The following N4BP2 variants were observed in gnomAD, a reference collection of about 807,000 sequenced individuals.
The protein encoded by N4BP2 is NEDD4 binding protein 2.
N4BP2 carries 91 observed loss-of-function variants against 152.8 expected under a neutral mutation model. That is an observed-to-expected ratio of 0.60 (90% CI 0.50 to 0.71). The LOEUF is 0.71. N4BP2 is among the 30% of genes least tolerant of loss of function. N4BP2 has a pLI of 0.00. For missense variants in N4BP2, 1,923 were observed against 2,059.1 expected (o/e 0.93, Z 1.28); for synonymous variants, 646 against 705.3 (o/e 0.92, Z 1.33).
chr4:40,116,065 A>G (rs1717311176), intron 7 of N4BP2, among the ~76,000 whole-genome samples: 1 of 152,110 alleles, frequency 6.6e-6, no homozygotes, highest in African/African-American at 2.4e-5. Flanking sequence ...TGTCTTTAGT[A>G]GTGATTTTTG....
chr4:40,109,458 C>A (rs2012638), intron 5 of N4BP2, among the ~76,000 whole-genome samples: 27,508 of 152,116 alleles, frequency 0.18, 3,123 homozygotes, highest in Admixed American at 0.26. Context: ...TGGCTCATGC[C>A]TGTAATTCCA....
Position 40,112,106 on chromosome 4 carries a change from G to A in N4BP2, c.1521G>A (p.Lys507=). The part of the protein sequence containing the change: ...QNRAKEAFEK[K]ISPIIIDNTN... ...CAGCAAAAGAAGCATTTGAGAAGAA[G>A]ATATCTCCTATAATTATAGATAATA... The change falls in exon 6 of 18, where the codon AAG becomes AAA. Residue 507 remains lysine (K), a synonymous_variant. Coordinates refer to ENST00000261435, the MANE Select transcript of N4BP2 (RefSeq NM_018177.6). The A allele has an allele frequency of 6.4e-7, 1 of 1,553,406 alleles. No homozygotes were observed. The highest frequency in any genetic ancestry group is 8.8e-7 in the Non-Finnish European group (1 of 1,141,046).
intron 14 of N4BP2, among the ~76,000 whole-genome samples, chr4:40,140,525 C>T (rs1449100413): frequency 2.0e-5 from 3 of 151,954 alleles, no homozygotes; most frequent in African/African-American, 7.3e-5. Flanking sequence ...GTTATGTAAA[C>T]CTTGGCCAAA....
At chr4:40,165,803 G>A in the N4BP2 span, among the ~76,000 whole-genome samples, 1 of 152,130 alleles carries the variant, frequency 6.6e-6, no homozygotes. Context: ...GGAAACATTT[G>A]TGTTTTATAT....
chr4:40,117,489 A>G (rs1717451569), intron 7 of N4BP2, among the ~76,000 whole-genome samples: 1 of 152,236 alleles, frequency 6.6e-6, no homozygotes, highest in Admixed American at 6.5e-5. Flanking sequence ...GTATAAACCT[A>G]GATGCTGTGT....
At position 40,151,823 on chromosome 4, in the gene N4BP2, T is replaced by G. The variant is rs554156499; in HGVS notation, c.5144-957T>G. Among the ~76,000 whole-genome samples, 17 of 152,318 alleles carry G rather than the reference T, an allele frequency of 1.1e-4. No homozygotes were observed. In the South Asian group the frequency reaches 3.3e-3, roughly 30 times the overall value. ...AATTAGAAATGCAAGAGCAACATAT[T>G]CTTTTAAAATTCCAGGCTGAATATC... On this transcript the variant is annotated intron_variant, in intron 16 of 17. Coordinates refer to ENST00000261435, the MANE Select transcript of N4BP2 (RefSeq NM_018177.6).
chr4:40,083,797 T>A lies in N4BP2; in HGVS notation c.-115+10246T>A, dbSNP rs1313640413. ...GAATATACTGGAAACCACTGAATTG[T>A]ACACTTTTGAAATGGTGAATTTTAT... On this transcript the variant is annotated intron_variant, in intron 2 of 17. Transcript: ENST00000261435. 3.9e-5 allele frequency among the ~76,000 whole-genome samples: 6 copies of A among 152,212 alleles called. No homozygotes were observed. The South Asian group carries it at 1.2e-3, about 32-fold the overall frequency.
At chr4:40,107,447 A>T (rs1407734559) in intron 5 of N4BP2, among the ~76,000 whole-genome samples, 1 of 151,472 alleles carries the variant, frequency 6.6e-6, no homozygotes, top group Non-Finnish European at 1.5e-5. Flanking sequence ...ACAGTGGTGC[A>T]ATCTGGGTTC....
At chr4:40,185,366 T>C in the N4BP2 span, among the ~76,000 whole-genome samples, 1 of 152,234 alleles carries the variant, frequency 6.6e-6, no homozygotes, top group Non-Finnish European at 1.5e-5. Context: ...AAAAGGCTAT[T>C]GTAAATTGAA....
At chr4:40,144,605 T>C in intron 15 of N4BP2, 27 bp from the exon 16 acceptor site, 1 of 1,565,060 alleles carries the variant, frequency 6.4e-7, no homozygotes, top group Non-Finnish European at 8.7e-7. Flanking sequence ...AGCAAAACTG[T>C]CCCTTGGTGA....
At chr4:40,094,293 C>G (rs1479383756) in intron 2 of N4BP2, among the ~76,000 whole-genome samples, 1 of 152,042 alleles carries the variant, frequency 6.6e-6, no homozygotes, top group Non-Finnish European at 1.5e-5. Context: ...TCTGTTAATA[C>G]TTGAAAAGAG....
intron 16 of N4BP2, among the ~76,000 whole-genome samples, chr4:40,148,447 GAGGGAGAGGGAGACTGT>G (rs1431710235): frequency 5.4e-5 from 8 of 149,454 alleles, no homozygotes; most frequent in Non-Finnish European, 4.5e-5. Context: ...CGTGGAAAGA[GAGGGAGAGGGAGACTGT>G]GGGGAGAGGG....
chr4:40,121,525 T>G lies in N4BP2; in HGVS notation c.3414T>G (p.Phe1138Leu). The G allele has an allele frequency of 6.2e-7, 1 of 1,614,186 alleles. No homozygotes were observed. The highest frequency in any genetic ancestry group is 1.1e-5 in the South Asian group (1 of 91,082). Reference sequence around the variant, plus strand: ...CTAAGTTATGTGAGGATACAGAGTTTGAGAATTTCCAAAAATCGTGTGATG... The same window carrying G: ...CTAAGTTATGTGAGGATACAGAGTTGGAGAATTTCCAAAAATCGTGTGATG... Reference protein sequence around the residue: ...SETKLCEDTEFENFQKSCDGS... With the variant: ...SETKLCEDTELENFQKSCDGS... The change falls in exon 9 of 18, where the codon TTT (phenylalanine) becomes TTG (leucine). Residue 1138 changes from phenylalanine (F) to leucine (L), a missense_variant. Physicochemically the swap from Phe to Leu is conservative, Grantham distance 22. Coordinates refer to ENST00000261435, the MANE Select transcript of N4BP2 (RefSeq NM_018177.6).
At chr4:40,161,160 A>G (rs1391665475), downstream of N4BP2, among the ~76,000 whole-genome samples, 1 of 152,208 alleles carries the variant, frequency 6.6e-6, no homozygotes, top group Non-Finnish European at 1.5e-5. Context: ...CGAGAATTGA[A>G]TTGGTAGAGG....
chr4:40,165,579 G>A, the N4BP2 span, among the ~76,000 whole-genome samples: 1 of 152,026 alleles, frequency 6.6e-6, no homozygotes. Context: ...GTGCAAAAGG[G>A]TACTCACAGG....
At chr4:40,096,714 T>A (rs1159493882) in intron 2 of N4BP2, among the ~76,000 whole-genome samples, 3 of 152,176 alleles carry the variant, frequency 2.0e-5, no homozygotes, top group African/African-American at 7.2e-5. Flanking sequence ...GGAATGATAG[T>A]ATTCTGGATA....
chr4:40,168,486 TA>T, the N4BP2 span, among the ~76,000 whole-genome samples: 1 of 152,098 alleles, frequency 6.6e-6, no homozygotes, highest in Non-Finnish European at 1.5e-5. Context: ...ACAGTGCCTA[TA>T]AAAGACAATA....
chr4:40,147,108 T>A (rs965114140), intron 16 of N4BP2, among the ~76,000 whole-genome samples: 10 of 150,300 alleles, frequency 6.7e-5, no homozygotes, highest in African/African-American at 2.2e-4. Context: ...GGATTGGTGA[T>A]GACTCTTAAC....
intron 5 of N4BP2, among the ~76,000 whole-genome samples, chr4:40,107,986 T>A (rs1343437343): frequency 2.6e-5 from 4 of 151,276 alleles, no homozygotes; most frequent in Non-Finnish European, 5.9e-5. Context: ...TGCAGTGGTG[T>A]GATCTCGGCT....
Sources: allele counts gnomAD v4.1 joint callset (sites outside exome capture counted in the v4.1 genomes callset), GRCh38; gene constraint gnomAD v4.1.1; transcripts MANE v1.5; gene names NCBI Gene and HGNC (gene_info 2026-07-23, HGNC 2026-07-21).